ARID5B: variants seen among roughly 807,000 people sequenced by gnomAD.
ARID5B encodes the protein AT-rich interaction domain 5B.
In ARID5B, 13 loss-of-function variants were observed where a neutral mutation model predicts 97.2. The ratio of observed to expected loss-of-function variants is 0.13; its 90% CI spans 0.09 to 0.21. The LOEUF (loss-of-function observed/expected upper bound fraction) is 0.21. Among genes scored for constraint, ARID5B ranks in the 10% least tolerant of loss-of-function variants. ARID5B has a pLI of 1.00. For synonymous variants in ARID5B, 556 were observed against 570.3 expected (o/e 0.97, Z 0.36); for missense variants, 1,210 against 1,465.3 (o/e 0.83, Z 2.84).
chr10:61,997,740 G>A (rs1839020878), intron 3 of ARID5B, among the ~76,000 whole-genome samples: 1 of 151,958 alleles, frequency 6.6e-6, no homozygotes, highest in Non-Finnish European at 1.5e-5. Context: ...GACAAATCGA[G>A]TATAATACAA....
At chr10:62,014,280 T>C (rs1839255631) in intron 4 of ARID5B, among the ~76,000 whole-genome samples, 1 of 152,202 alleles carries the variant, frequency 6.6e-6, no homozygotes, top group Non-Finnish European at 1.5e-5. Flanking sequence ...ACTGTAGGAA[T>C]GCTTAAAGTT....
rs149006520 is a variant in ARID5B at position 62,061,977 on chromosome 10, T to TTTTC, written c.1101+2694_1101+2697dup. Among the ~76,000 whole-genome samples the TTTTC allele has an allele frequency of 4.8e-3, 724 of 152,288 alleles. 5 individuals are homozygous for TTTTC. The highest frequency in any genetic ancestry group is 0.016 in the African/African-American group (673 of 41,566). On this transcript the variant is annotated intron_variant, in intron 7 of 9. Transcript: ENST00000279873. ...CTCATTTCCTTCCTTCCTTCTTCCT[T>TTTTC]TTTCTTTCTTTCTTTTTAAATGTTT...
chr10:61,982,127 A>T (rs1838785225), intron 3 of ARID5B, among the ~76,000 whole-genome samples: 1 of 152,214 alleles, frequency 6.6e-6, no homozygotes, highest in Non-Finnish European at 1.5e-5. Context: ...TTGGGGTTAG[A>T]TTAGAGCTGG....
intron 3 of ARID5B, among the ~76,000 whole-genome samples, chr10:61,986,252 T>C (rs1455258146): frequency 6.6e-6 from 1 of 152,194 alleles, no homozygotes; most frequent in Non-Finnish European, 1.5e-5. Context: ...TGTGTCCTCC[T>C]GTATAAAATG....
intron 4 of ARID5B, among the ~76,000 whole-genome samples, chr10:62,048,708 C>T (rs980581678): frequency 6.6e-6 from 1 of 152,154 alleles, no homozygotes; most frequent in African/African-American, 2.4e-5. Context: ...TGTCAGTTCC[C>T]GGAACCTTTG....
At chr10:62,080,103 A>G (rs1361349862) in intron 8 of ARID5B, among the ~76,000 whole-genome samples, 1 of 152,144 alleles carries the variant, frequency 6.6e-6, no homozygotes, top group Non-Finnish European at 1.5e-5. Flanking sequence ...GGGCCCCGCT[A>G]TAGGCTCGTT....
At chr10:61,972,548 CACTT>C (rs1371892200) in intron 3 of ARID5B, among the ~76,000 whole-genome samples, 2 of 152,112 alleles carry the variant, frequency 1.3e-5, no homozygotes, top group Non-Finnish European at 2.9e-5. Context: ...CTTTCAAAAA[CACTT>C]AATATGCTCT....
At chr10:62,073,158 G>A (rs1840087316) in intron 8 of ARID5B, among the ~76,000 whole-genome samples, 2 of 152,190 alleles carry the variant, frequency 1.3e-5, no homozygotes, top group Non-Finnish European at 2.9e-5. Flanking sequence ...CTACTAGGCT[G>A]CGGGTTCTTC....
At chr10:61,920,953 G>A (rs184747112) in intron 2 of ARID5B, among the ~76,000 whole-genome samples, 1 of 152,184 alleles carries the variant, frequency 6.6e-6, no homozygotes, top group Admixed American at 6.5e-5. Context: ...AATTTCTATG[G>A]ATACCCCTCC....
intron 3 of ARID5B, among the ~76,000 whole-genome samples, chr10:61,976,334 A>T (rs1838697870): frequency 6.6e-6 from 1 of 152,232 alleles, no homozygotes; most frequent in Non-Finnish European, 1.5e-5. Flanking sequence ...TTTTGCAACT[A>T]CATAACAGAA....
intron 4 of ARID5B, among the ~76,000 whole-genome samples, chr10:62,027,500 A>C (rs1352759001): frequency 6.6e-6 from 1 of 150,562 alleles, no homozygotes; most frequent in Admixed American, 6.6e-5. Context: ...TTTGTAGTAG[A>C]GACGGGGTTT....
chr10:61,906,569 T>C (rs573257804), intron 2 of ARID5B, among the ~76,000 whole-genome samples: 1 of 152,378 alleles, frequency 6.6e-6, no homozygotes. Context: ...CACCTCCAAC[T>C]GTGCTTGTGG....
intron 3 of ARID5B, among the ~76,000 whole-genome samples, chr10:61,978,203 G>A (rs371112086): frequency 2.5e-4 from 38 of 152,094 alleles, no homozygotes; most frequent in African/African-American, 6.7e-4. Context: ...GGCTCTGTTC[G>A]GTTCCATTGG....
chr10:62,012,079 T>C (rs1839225425), intron 4 of ARID5B, among the ~76,000 whole-genome samples: 1 of 152,230 alleles, frequency 6.6e-6, no homozygotes, highest in African/African-American at 2.4e-5. Flanking sequence ...TTATTTCTAT[T>C]ACGAAAAGTA....
intron 4 of ARID5B, among the ~76,000 whole-genome samples, chr10:62,039,965 G>T (rs1404691809): frequency 6.6e-6 from 1 of 152,204 alleles, no homozygotes; most frequent in African/African-American, 2.4e-5. Context: ...AATAGTTGGA[G>T]ATTAAGAAGT....
intron 3 of ARID5B, among the ~76,000 whole-genome samples, chr10:61,952,819 C>T (rs190455029): frequency 4.9e-4 from 74 of 151,462 alleles, no homozygotes; most frequent in Non-Finnish European, 7.5e-4. Context: ...TCCTGCTAGC[C>T]TGAGGATTGT....
intron 4 of ARID5B, among the ~76,000 whole-genome samples, chr10:62,038,949 T>G (rs1379617215): frequency 6.6e-6 from 1 of 152,252 alleles, no homozygotes; most frequent in Non-Finnish European, 1.5e-5. Context: ...TTGCCATACA[T>G]GCAGCCTCCG....
At chr10:62,029,109 G>A (rs1278764543) in intron 4 of ARID5B, among the ~76,000 whole-genome samples, 2 of 152,214 alleles carry the variant, frequency 1.3e-5, no homozygotes, top group South Asian at 2.1e-4. Context: ...CTTTGAGGTG[G>A]CAGTGAGTGC....
intron 4 of ARID5B, among the ~76,000 whole-genome samples, chr10:62,017,873 T>C (rs1839303870): frequency 6.6e-6 from 1 of 152,262 alleles, no homozygotes; most frequent in Admixed American, 6.5e-5. Context: ...CAAAATTCAC[T>C]GATAATGTTC....
Sources: allele counts gnomAD v4.1 joint callset (sites outside exome capture counted in the v4.1 genomes callset), GRCh38; gene constraint gnomAD v4.1.1; transcripts MANE v1.5; gene names NCBI Gene and HGNC (gene_info 2026-07-23, HGNC 2026-07-21).